ECT2L: variants seen among roughly 807,000 people sequenced by gnomAD.
ECT2L encodes epithelial cell transforming 2 like.
A neutral mutation model predicts 122.8 loss-of-function variants in ECT2L; 126 were observed. The observed-to-expected ratio is 1.03, with a 90% CI of 0.89 to 1.19. The LOEUF (loss-of-function observed/expected upper bound fraction) is 1.19. Among genes scored for constraint, ECT2L ranks in the 50% most tolerant of loss-of-function variants. The pLI is 0.00. For synonymous variants in ECT2L, 385 were observed against 381.8 expected (o/e 1.01, Z -0.10); for missense variants, 1,012 against 1,064.1 (o/e 0.95, Z 0.68).
intron 20 of ECT2L, among the ~76,000 whole-genome samples, chr6:138,898,368 T>A (rs368638785): frequency 6.1e-4 from 93 of 152,348 alleles, no homozygotes; most frequent in African/African-American, 2.2e-3. Flanking sequence ...CTAGCTCTAG[T>A]GGCTGGGTGA....
At chr6:138,853,081 C>A (rs1367802852) in intron 9 of ECT2L, among the ~76,000 whole-genome samples, 1 of 152,136 alleles carries the variant, frequency 6.6e-6, no homozygotes, top group Non-Finnish European at 1.5e-5. Context: ...GATTCTTCTG[C>A]CTCAGCCTCC....
chr6:138,803,774 G>A (rs941950565), intron 1 of ECT2L, among the ~76,000 whole-genome samples: 6 of 152,268 alleles, frequency 3.9e-5, no homozygotes, highest in South Asian at 2.1e-4. Flanking sequence ...CATGCTGCTC[G>A]TCTGTAACAT....
At chr6:138,860,707 ATTT>A (rs35611410) in intron 10 of ECT2L, among the ~76,000 whole-genome samples, 36,393 of 135,684 alleles carry the variant, frequency 0.27, 5,389 homozygotes, top group Admixed American at 0.38. Context: ...TGAAGGGGCT[ATTT>A]TTTTTTTTTT....
chr6:138,842,700 A>G (rs1583579843), intron 5 of ECT2L, among the ~76,000 whole-genome samples: 1 of 152,072 alleles, frequency 6.6e-6, no homozygotes, highest in East Asian at 1.9e-4. Flanking sequence ...TGAACCCGGG[A>G]GGCGGAGCTT....
At chr6:138,874,920 TA>T (rs202210864) in intron 13 of ECT2L, among the ~76,000 whole-genome samples, 14 of 150,706 alleles carry the variant, frequency 9.3e-5, no homozygotes, top group African/African-American at 2.9e-4. Flanking sequence ...ACCTTGTCTC[TA>T]AAAAAAAATG....
chr6:138,797,961 C>T (rs551364293), intron 1 of ECT2L, among the ~76,000 whole-genome samples: 36 of 152,312 alleles, frequency 2.4e-4, no homozygotes, highest in Admixed American at 2.0e-3. Context: ...GCCCCTCCTC[C>T]GGTTTGATTA....
chr6:138,847,354 A>ATTTTTTTTTTTTTTTTT (rs1562471985), intron 8 of ECT2L, among the ~76,000 whole-genome samples: 8 of 111,060 alleles, frequency 7.2e-5, no homozygotes, highest in African/African-American at 2.8e-4. Flanking sequence ...AAAGGCCCAA[A>ATTTTTTTTTTTTTTTTT]CTTTTTTTTT....
At chr6:138,863,049 G>C (rs1777894245) in intron 11 of ECT2L, among the ~76,000 whole-genome samples, 1 of 152,108 alleles carries the variant, frequency 6.6e-6, no homozygotes, top group African/African-American at 2.4e-5. Flanking sequence ...CATATATATA[G>C]TCAATATGGT....
chr6:138,880,178 C>T (rs1289285158), intron 14 of ECT2L, among the ~76,000 whole-genome samples: 1 of 152,148 alleles, frequency 6.6e-6, no homozygotes, highest in Non-Finnish European at 1.5e-5. Flanking sequence ...GTGTCTTCAC[C>T]TGTTCATGCT....
chr6:138,888,881 GCAGT>G, intron 19 of ECT2L, 58 bp from the exon 20 acceptor site: 1 of 695,898 alleles, frequency 1.4e-6, no homozygotes. Flanking sequence ...AAAATGGTTT[GCAGT>G]AGTAATTTTA....
In ECT2L at chr6:138,845,911, C is replaced by T. The variant is rs73557264; in HGVS notation, c.765-628C>T. Among the ~76,000 whole-genome samples, 562 of 151,920 alleles carry T rather than the reference C, an allele frequency of 3.7e-3. 6 individuals carry two copies. Among genetic ancestry groups the T allele is most frequent in the African/African-American group, 0.013 (530 of 41,452 alleles). ...CACAGCGAGACCCCATCTTTCCCCC[C>T]ACCCAAAAAAAAATCTGGGTGTGAT... On this transcript the variant is annotated intron_variant, in intron 7 of 21. Transcript: ENST00000541398.
At chr6:138,848,907 G>A (rs548928534) in intron 8 of ECT2L, among the ~76,000 whole-genome samples, 10 of 152,104 alleles carry the variant, frequency 6.6e-5, no homozygotes, top group Non-Finnish European at 1.5e-4. Context: ...CGTCAGCCTC[G>A]GTCTCCCAGA....
chr6:138,863,637 G>A lies in ECT2L; in HGVS notation c.1291+918G>A, dbSNP rs555121243. 5.0e-4 allele frequency among the ~76,000 whole-genome samples: 76 copies of A among 150,626 alleles called. 1 individual carries two copies. The highest frequency in any genetic ancestry group is 1.8e-3 in the African/African-American group (74 of 41,122). ...TTTCTTTTTTTTTTTTTGAGACAGA[G>A]TCTCACACTGTTGCCAGGCTGGAGT... On this transcript the variant is annotated intron_variant, in intron 11 of 21. Transcript: ENST00000541398.
intron 10 of ECT2L, among the ~76,000 whole-genome samples, chr6:138,861,837 C>T (rs920383388): frequency 6.6e-6 from 1 of 152,166 alleles, no homozygotes; most frequent in Non-Finnish European, 1.5e-5. Context: ...CATATTCCAT[C>T]CTGTTTTTAA....
intron 1 of ECT2L, among the ~76,000 whole-genome samples, chr6:138,799,569 T>C (rs1227337393): frequency 1.3e-5 from 2 of 151,910 alleles, no homozygotes; most frequent in African/African-American, 2.4e-5. Flanking sequence ...TTCTTTTTTT[T>C]TGAGTCAGGG....
intron 20 of ECT2L, among the ~76,000 whole-genome samples, chr6:138,898,845 T>G (rs1779299906): frequency 6.6e-6 from 1 of 152,100 alleles, no homozygotes; most frequent in Non-Finnish European, 1.5e-5. Flanking sequence ...AACCTCAGAG[T>G]ACTGATCCCT....
intron 4 of ECT2L, among the ~76,000 whole-genome samples, chr6:138,825,610 A>G (rs1328829460): frequency 6.6e-6 from 1 of 152,146 alleles, no homozygotes; most frequent in Non-Finnish European, 1.5e-5. Flanking sequence ...AAAAGAAAAG[A>G]ATACAGATAA....
At position 138,885,757 on chromosome 6, in the gene ECT2L, C is replaced by T; in HGVS notation, c.2186C>T (p.Ala729Val). Residue 729 changes from alanine (A) to valine (V), a missense_variant, in exon 18 of 22, where the codon GCA becomes GTA. Transcript: ENST00000541398. Reference protein sequence around the residue: ...LLYAVRLHTPAEHVDRGDLTT... With the variant: ...LLYAVRLHTPVEHVDRGDLTT... ...TACGCTGTCAGGCTTCATACCCCTGCAGAGCATGTTGACCGTGGGGACTTG... is the reference window on the plus strand; with the variant it reads ...TACGCTGTCAGGCTTCATACCCCTGTAGAGCATGTTGACCGTGGGGACTTG... 6.2e-7 allele frequency: 1 copy of T among 1,614,160 alleles called. No homozygotes were observed. Among genetic ancestry groups the T allele is most frequent in the South Asian group, 1.1e-5 (1 of 91,076 alleles).
At chr6:138,878,490 A>C (rs1011118589) in intron 14 of ECT2L, among the ~76,000 whole-genome samples, 2 of 152,182 alleles carry the variant, frequency 1.3e-5, no homozygotes, top group Non-Finnish European at 2.9e-5. Context: ...TCTGTTGCCC[A>C]GGCTGGAGTG....
Sources: allele counts gnomAD v4.1 joint callset (sites outside exome capture counted in the v4.1 genomes callset), GRCh38; gene constraint gnomAD v4.1.1; transcripts MANE v1.5; gene names NCBI Gene and HGNC (gene_info 2026-07-23, HGNC 2026-07-21).